ATP11C: variants seen among roughly 807,000 people sequenced by gnomAD.
ATP11C encodes the protein ATPase phospholipid transporting 11C (ATP11C blood group), also known as phospholipid-transporting ATPase IG.
In ATP11C, 36 loss-of-function variants were observed where a neutral mutation model predicts 97.4. The ratio of observed to expected loss-of-function variants is 0.37; its 90% CI spans 0.28 to 0.49. ATP11C has a LOEUF of 0.49. Among genes scored for constraint, ATP11C ranks in the 20% least tolerant of loss-of-function variants. ATP11C has a pLI of 0.98. For synonymous variants in ATP11C, 275 were observed against 290.9 expected, an observed-to-expected ratio of 0.95 and a Z score of 0.56; for missense variants, 730 against 824.6, an observed-to-expected ratio of 0.89 and a Z score of 1.40.
At chrX:139,762,559 G>C (rs2082058551) in intron 21 of ATP11C, among the ~76,000 whole-genome samples, 1 of 111,200 alleles carries the variant, frequency 9.0e-6, no homozygotes. Flanking sequence ...AGGGTTCTAT[G>C]AGCTCGAGCA....
chrX:139,795,702 G>A (rs1210901138), intron 12 of ATP11C, among the ~76,000 whole-genome samples: 1 of 111,792 alleles, frequency 8.9e-6, no homozygotes, highest in Non-Finnish European at 1.9e-5. Context: ...AATGCACCTG[G>A]GTTAGAATGG....
intron 1 of ATP11C, among the ~76,000 whole-genome samples, chrX:139,867,985 T>C (rs915753130): frequency 9.0e-6 from 1 of 111,273 alleles, no homozygotes; most frequent in South Asian, 3.8e-4. Context: ...TAGAGGTGTA[T>C]TGCTTAAATG....
chrX:139,777,854 G>A (rs751072287), intron 18 of ATP11C, among the ~76,000 whole-genome samples: 1 of 108,043 alleles, frequency 9.3e-6, no homozygotes, highest in Admixed American at 9.7e-5. Context: ...AGAAGATTGG[G>A]GATGTAGTTT....
intron 20 of ATP11C, among the ~76,000 whole-genome samples, chrX:139,766,271 T>G (rs13440992): frequency 0.059 from 6,566 of 111,411 alleles, 455 homozygotes; most frequent in African/African-American, 0.2. Flanking sequence ...CCACAAGTGG[T>G]GGCATAATTA....
At chrX:139,778,788 C>T (rs1163790171) in intron 18 of ATP11C, among the ~76,000 whole-genome samples, 5 of 111,332 alleles carry the variant, frequency 4.5e-5, no homozygotes, top group East Asian at 2.8e-4. Flanking sequence ...AGGATTGCGC[C>T]GCTGCACTCT....
chrX:139,866,175 C>G (rs965275881), intron 1 of ATP11C, among the ~76,000 whole-genome samples: 3 of 108,735 alleles, frequency 2.8e-5, no homozygotes, highest in African/African-American at 1.0e-4. Context: ...GAAACCCTGT[C>G]TCTACTAAAA....
intron 1 of ATP11C, among the ~76,000 whole-genome samples, chrX:139,836,350 AC>A (rs1240022267): frequency 9.0e-6 from 1 of 110,519 alleles, no homozygotes; most frequent in Non-Finnish European, 1.9e-5. Context: ...ACCTGCCTCT[AC>A]TAAAAATACA....
chrX:139,909,223 C>G (rs914161108), intron 1 of ATP11C, among the ~76,000 whole-genome samples: 2 of 111,133 alleles, frequency 1.8e-5, no homozygotes, highest in Non-Finnish European at 3.8e-5. Context: ...CCTCCACCTC[C>G]CAGGTTCAAG....
intron 23 of ATP11C, among the ~76,000 whole-genome samples, chrX:139,755,018 C>T (rs146640862): frequency 2.4e-4 from 27 of 111,962 alleles, no homozygotes; most frequent in African/African-American, 8.8e-4. Context: ...AAATAAAAGG[C>T]ATCCAAATAG....
chrX:139,913,093 G>A (rs1215593335), intron 1 of ATP11C, among the ~76,000 whole-genome samples: 1 of 111,641 alleles, frequency 9.0e-6, no homozygotes, highest in Non-Finnish European at 1.9e-5. Flanking sequence ...CTGTCTTCTA[G>A]CAGCTGTCAC....
At position 139,796,264 on chromosome X, in the gene ATP11C, T is replaced by C. The variant is rs1210713533; in HGVS notation, c.1206+9A>G. The C allele has an allele frequency of 8.9e-7, 1 of 1,124,563 alleles. No homozygotes were observed. Among genetic ancestry groups the C allele is most frequent in the Non-Finnish European group, 1.2e-6 (1 of 846,740 alleles). 92.7% of individuals were successfully genotyped at this position (1,124,563 alleles called of 1,213,427 possible). A position where few individuals can be genotyped will look rare whatever the true frequency, so the allele number is the denominator to read the frequency against. ...TGACAAATTATTTTAAGTAAAACAA[T>C]GCTCTAACCTGACCAAGTTCTTCAT... On this transcript the variant is annotated intron_variant, in intron 12 of 29. Transcript: ENST00000682941.
chrX:139,933,766 T>C (rs1411891828), upstream of ATP11C, among the ~76,000 whole-genome samples: 1 of 112,025 alleles, frequency 8.9e-6, no homozygotes, highest in Non-Finnish European at 1.9e-5. Flanking sequence ...GCGCTTCTCC[T>C]TTACCCTCCG....
chrX:139,777,116 C>T (rs2082363636), intron 18 of ATP11C, among the ~76,000 whole-genome samples: 1 of 111,054 alleles, frequency 9.0e-6, no homozygotes. Context: ...TCTGGCGGTA[C>T]AAAAAGCTGG....
At chrX:139,831,358 A>T (rs1365718803) in intron 1 of ATP11C, among the ~76,000 whole-genome samples, 1 of 111,421 alleles carries the variant, frequency 9.0e-6, no homozygotes, top group Admixed American at 9.6e-5. Context: ...ATTGAAAAAA[A>T]AAAACTACTA....
chrX:139,928,195 TA>T (rs1285792761), intron 1 of ATP11C, among the ~76,000 whole-genome samples: 7 of 106,488 alleles, frequency 6.6e-5, no homozygotes, highest in African/African-American at 1.7e-4. Flanking sequence ...CAATATGATT[TA>T]AAAAAAAAAA....
At chrX:139,792,684 T>C (rs1326831188) in intron 12 of ATP11C, among the ~76,000 whole-genome samples, 1 of 111,121 alleles carries the variant, frequency 9.0e-6, no homozygotes, top group African/African-American at 3.3e-5. Context: ...TTGTCAAAAG[T>C]GTTGAGTGGC....
At chrX:139,744,067 GT>G (rs760275138) in intron 25 of ATP11C, among the ~76,000 whole-genome samples, 24 of 110,926 alleles carry the variant, frequency 2.2e-4, no homozygotes, top group South Asian at 7.6e-4. Context: ...TTTTAAATGA[GT>G]CTGATTTTTT....
chrX:139,794,244 G>GT (rs1443196839), intron 12 of ATP11C, among the ~76,000 whole-genome samples: 2 of 112,132 alleles, frequency 1.8e-5, no homozygotes, highest in Non-Finnish European at 1.9e-5. Flanking sequence ...CATTAAAAGA[G>GT]GTTAAGCAAA....
intron 1 of ATP11C, among the ~76,000 whole-genome samples, chrX:139,887,255 A>G (rs2084657362): frequency 8.9e-6 from 1 of 112,221 alleles, no homozygotes; most frequent in Admixed American, 9.5e-5. Flanking sequence ...TAAAATTTCT[A>G]GAAAAAATAG....
Sources: allele counts gnomAD v4.1 joint callset (sites outside exome capture counted in the v4.1 genomes callset), GRCh38; gene constraint gnomAD v4.1.1; transcripts MANE v1.5; gene names NCBI Gene and HGNC (gene_info 2026-07-23, HGNC 2026-07-21).